Variants in NKD1 observed in about 807,000 individuals in gnomAD.
NKD1 encodes the protein protein naked cuticle homolog 1.
NKD1 carries 21 observed loss-of-function variants against 56.0 expected under a neutral mutation model. The observed-to-expected ratio is 0.38, with a 90% confidence interval of 0.27 to 0.54. NKD1 has a LOEUF of 0.54. Among genes scored for constraint, NKD1 ranks in the 20% least tolerant of loss-of-function variants. The pLI, the probability that NKD1 is intolerant of heterozygous loss-of-function variation, is 0.82. For missense variants in NKD1, 578 were observed against 642.7 expected (o/e 0.90, Z 1.09); for synonymous variants, 263 against 265.7 (o/e 0.99, Z 0.10).
intron 3 of NKD1, chr16:50,566,308 T>G: frequency 2.6e-6 from 1 of 378,060 alleles, no homozygotes; most frequent in Non-Finnish European, 3.6e-6. Context: ...TCTTCATCTC[T>G]GCTTTCTTTT....
chr16:50,562,886 C>T (rs1960665429), intron 3 of NKD1, among the ~76,000 whole-genome samples: 2 of 151,400 alleles, frequency 1.3e-5, no homozygotes, highest in South Asian at 2.1e-4. Context: ...CTTCCCACAT[C>T]CCCATAACTG....
chr16:50,629,631 G>A (rs1188491902), intron 6 of NKD1, among the ~76,000 whole-genome samples: 3 of 152,104 alleles, frequency 2.0e-5, no homozygotes, highest in Non-Finnish European at 2.9e-5. Flanking sequence ...GTGGCTCATG[G>A]CTCACATCTG....
intron 3 of NKD1, chr16:50,570,756 G>C (rs1329148666): frequency 2.1e-6 from 2 of 949,452 alleles, no homozygotes; most frequent in African/African-American, 1.8e-5. Context: ...GAACGGGGTA[G>C]GACTTCCACT....
rs551984026 is a variant in NKD1, at chr16:50,612,823, G to A, written c.259+4463G>A. On this transcript the variant is annotated intron_variant, in intron 4 of 9. Coordinates refer to ENST00000268459, the MANE Select transcript of NKD1 (RefSeq NM_033119.5). ...GTGTGGGACCACGCCCTTAGGTTGC[G>A]TGGTTCTGCCCAGATGGTTGGGTGG... 4.6e-5 allele frequency among the ~76,000 whole-genome samples: 7 copies of A among 152,322 alleles called. No homozygotes were observed. In the East Asian group the frequency reaches 5.8e-4, roughly 13 times the overall value.
intron 3 of NKD1, among the ~76,000 whole-genome samples, chr16:50,588,835 G>C (rs150719766): frequency 6.6e-6 from 1 of 151,772 alleles, no homozygotes; most frequent in Non-Finnish European, 1.5e-5. Flanking sequence ...AACTCCTGAC[G>C]TCAAGGGATC....
At chr16:50,601,347 C>G (rs1201114325) in intron 3 of NKD1, among the ~76,000 whole-genome samples, 4 of 152,200 alleles carry the variant, frequency 2.6e-5, no homozygotes, top group Admixed American at 6.5e-5. Flanking sequence ...GCAGCAAAGG[C>G]CGTTTAGTGG....
At chr16:50,612,438 T>C (rs1198358521) in intron 4 of NKD1, among the ~76,000 whole-genome samples, 3 of 152,200 alleles carry the variant, frequency 2.0e-5, no homozygotes, top group Non-Finnish European at 4.4e-5. Flanking sequence ...TTGCTGCAGC[T>C]AGGGGCTCTG....
Position 50,632,076 on chromosome 16 carries a change from TG to T in NKD1, c.696-203del, listed in dbSNP as rs1249296234. ...TGCGGGGAGGTCGGGCTGTGGGCTG[TG>T]GTCTATGGTCTGTCTCTCCATCGGC... On this transcript the variant is annotated intron_variant, in intron 8 of 9. Transcript: ENST00000268459. The surrounding 1 kb of genome is among the most constrained non-coding windows in gnomAD (Gnocchi z 4.1). Among the ~76,000 whole-genome samples, 2 of 152,164 alleles carry T rather than the reference TG, an allele frequency of 1.3e-5. No homozygotes were observed. Among genetic ancestry groups the T allele is most frequent in the African/African-American group, 4.8e-5 (2 of 41,420 alleles).
chr16:50,595,902 A>G (rs563755020), intron 3 of NKD1, among the ~76,000 whole-genome samples: 1 of 152,128 alleles, frequency 6.6e-6, no homozygotes, highest in South Asian at 2.1e-4. Flanking sequence ...AGATCCCCAT[A>G]CTTTTTGCTT....
At chr16:50,591,185 G>A (rs1961358233) in intron 3 of NKD1, among the ~76,000 whole-genome samples, 2 of 152,160 alleles carry the variant, frequency 1.3e-5, no homozygotes, top group African/African-American at 4.8e-5. Flanking sequence ...CTGTTAGGCT[G>A]AGGCTGATGG....
intron 3 of NKD1, among the ~76,000 whole-genome samples, chr16:50,588,598 C>CTTTTTTTTTTTTTTT (rs574622414): frequency 2.1e-5 from 2 of 94,652 alleles, no homozygotes; most frequent in Admixed American, 1.2e-4. Flanking sequence ...TTTTCTTCTG[C>CTTTTTTTTTTTTTTT]TTTTTTTTTT....
intron 2 of NKD1, among the ~76,000 whole-genome samples, 173 bp from the exon 3 acceptor site, chr16:50,549,249 C>T (rs1284438779): frequency 6.6e-6 from 1 of 151,734 alleles, no homozygotes; most frequent in Non-Finnish European, 1.5e-5. Flanking sequence ...CTTCGCTGAA[C>T]CCCCCTTTAC....
chr16:50,618,689 G>A lies in NKD1; in HGVS notation c.260-2913G>A, dbSNP rs929082037. 3.3e-5 allele frequency among the ~76,000 whole-genome samples: 5 copies of A among 152,320 alleles called. 1 individual carries two copies. In the Middle Eastern group the frequency reaches 0.014, roughly 414 times the overall value. ...ACTGTCCTTGTTCCTGACCCCCACA[G>A]CCCCAGGGCAGGATGGATCACAGGC... is the stretch of plus-strand genomic sequence containing the variant. On this transcript the variant is annotated intron_variant, in intron 4 of 9. Transcript: ENST00000268459.
intron 3 of NKD1, among the ~76,000 whole-genome samples, chr16:50,575,578 G>C (rs958209275): frequency 2.0e-5 from 3 of 152,222 alleles, no homozygotes; most frequent in Admixed American, 6.5e-5. Context: ...CTCGAACACT[G>C]AGAAGTAGGT....
Position 50,641,402 on chromosome 16 carries a change from G to C in NKD1, c.*7621G>C, listed in dbSNP as rs1171431647. The stretch of plus-strand genomic sequence containing the variant: ...CCTCTGCTCACCGGGACCGTACCTA[G>C]CCTGGCCCATCGATGTGTCATGTTT... On this transcript the variant is annotated 3_prime_UTR_variant, in exon 10 of 10. Coordinates refer to ENST00000268459, the MANE Select transcript of NKD1 (RefSeq NM_033119.5). 4 of 152,204 alleles carry C rather than the reference G, an allele frequency of 2.6e-5. No individual in the cohort carries two copies. Among genetic ancestry groups the C allele is most frequent in the Non-Finnish European group, 4.4e-5 (3 of 68,034 alleles). 9.4% of individuals were successfully genotyped at this position (152,204 alleles called of 1,614,324 possible).
intron 3 of NKD1, chr16:50,606,854 C>A: frequency 4.4e-6 from 2 of 456,726 alleles, no homozygotes; most frequent in Non-Finnish European, 8.8e-6. Flanking sequence ...ACCCGTCTCT[C>A]TTCTGCATGA....
chr16:50,615,952 A>G, intron 4 of NKD1: 2 of 431,138 alleles, frequency 4.6e-6, no homozygotes, highest in South Asian at 1.6e-5. Flanking sequence ...TGGAATGCAC[A>G]TATGATATCT....
intron 3 of NKD1, chr16:50,557,152 C>T (rs1692150657): frequency 1.3e-5 from 2 of 152,134 alleles, no homozygotes; most frequent in Admixed American, 6.5e-5. Context: ...ATGGAACTTA[C>T]CATCTTGTAG....
chr16:50,564,954 T>C (rs146878155), intron 3 of NKD1, among the ~76,000 whole-genome samples: 59 of 152,356 alleles, frequency 3.9e-4, no homozygotes, highest in African/African-American at 1.2e-3. Context: ...AAGATACTTC[T>C]AGCCATGCTC....
Sources: allele counts gnomAD v4.1 joint callset (sites outside exome capture counted in the v4.1 genomes callset), GRCh38; gene constraint gnomAD v4.1.1; non-coding constraint Gnocchi (gnomAD v3.1); transcripts MANE v1.5; gene names NCBI Gene and HGNC (gene_info 2026-07-23, HGNC 2026-07-21).